SAXO1: variants seen among roughly 807,000 people sequenced by gnomAD.
SAXO1 encodes 4930500O09Rik.
In SAXO1, 21 loss-of-function variants were observed where a neutral mutation model predicts 17.5. The observed-to-expected ratio is 1.20, with a 90% CI of 0.85 to 1.72. The LOEUF is 1.72. Ranked by LOEUF, SAXO1 falls within the 40% of genes most tolerant of loss-of-function variation. The pLI is 0.00. For missense variants in SAXO1, 843 were observed against 596.0 expected, an observed-to-expected ratio of 1.41 and a Z score of -4.32; for synonymous variants, 274 against 216.5, an observed-to-expected ratio of 1.27 and a Z score of -2.33.
intron 1 of SAXO1, among the ~76,000 whole-genome samples, chr9:19,013,807 A>G (rs1447260918): frequency 6.6e-6 from 1 of 152,040 alleles, no homozygotes; most frequent in East Asian, 1.9e-4. Context: ...TCGGCCTCCC[A>G]AAGTGTTAGG....
chr9:18,951,963 T>C (rs1431347166), intron 1 of SAXO1, among the ~76,000 whole-genome samples: 1 of 152,250 alleles, frequency 6.6e-6, no homozygotes. Flanking sequence ...AAATAAACTT[T>C]ATACCTAGTG....
In SAXO1 at chr9:19,006,365, C is replaced by A. The variant is rs141946220; in HGVS notation, c.38+26506G>T. 4.3e-3 allele frequency among the ~76,000 whole-genome samples: 654 copies of A among 152,296 alleles called. 2 individuals carry two copies. Among genetic ancestry groups the A allele is most frequent in the African/African-American group, 0.015 (633 of 41,550 alleles). ...CCAATAGCCAGAAGTAGAAACAACT[C>A]AAATGTCCATCAACAGATAAATGGA... is the stretch of plus-strand genomic sequence containing the variant. On this transcript the variant is annotated intron_variant, in intron 1 of 3. Transcript: ENST00000380534.
chr9:18,940,251 A>C (rs1831497333), intron 3 of SAXO1, among the ~76,000 whole-genome samples: 1 of 152,202 alleles, frequency 6.6e-6, no homozygotes, highest in Non-Finnish European at 1.5e-5. Context: ...GTGCACAAAG[A>C]CTTCAGAGGT....
chr9:18,952,939 C>T (rs756562654), intron 1 of SAXO1, among the ~76,000 whole-genome samples: 9 of 152,172 alleles, frequency 5.9e-5, no homozygotes, highest in Non-Finnish European at 1.3e-4. Flanking sequence ...TCTGCACATT[C>T]AAGAGACAAA....
Position 18,970,357 on chromosome 9 carries a change from A to G in SAXO1, c.39-19420T>C, listed in dbSNP as rs544049280. Reference sequence around the variant, plus strand: ...CCTTTCCTCATCCTGCATAAATAACAATCAATTGCTGTGCTTTCACTGCCC... The same window carrying G: ...CCTTTCCTCATCCTGCATAAATAACGATCAATTGCTGTGCTTTCACTGCCC... On this transcript the variant is annotated intron_variant, in intron 1 of 3. Transcript: ENST00000380534. 2.6e-4 allele frequency among the ~76,000 whole-genome samples: 39 copies of G among 152,298 alleles called. No individual in the cohort carries two copies. In the South Asian group the frequency reaches 7.0e-3, roughly 28 times the overall value.
intron 3 of SAXO1, among the ~76,000 whole-genome samples, chr9:18,941,182 A>G (rs769474187): frequency 2.6e-5 from 4 of 152,196 alleles, no homozygotes; most frequent in Admixed American, 6.5e-5. Context: ...GCTTCCCCCA[A>G]TATAGGATTC....
intron 1 of SAXO1, among the ~76,000 whole-genome samples, chr9:18,967,606 G>C (rs146107962): frequency 6.6e-6 from 1 of 152,144 alleles, no homozygotes; most frequent in Non-Finnish European, 1.5e-5. Flanking sequence ...AACCAAGCTC[G>C]AGTGTCCCAG....
At chr9:18,989,877 C>G (rs1354091914) in intron 1 of SAXO1, among the ~76,000 whole-genome samples, 2 of 152,162 alleles carry the variant, frequency 1.3e-5, no homozygotes, top group African/African-American at 4.8e-5. Context: ...TCAGCCATTG[C>G]TCTTACAGAT....
rs113283430 is a variant in SAXO1 at position 19,027,356 on chromosome 9, T to A, written c.38+5515A>T. 171 of 780,138 alleles carry A rather than the reference T, an allele frequency of 2.2e-4. 1 individual carries two copies. In the African/African-American group the frequency reaches 2.5e-3, roughly 11 times the overall value. 48.3% of individuals were successfully genotyped at this position (780,138 alleles called of 1,614,324 possible). A position where few individuals can be genotyped will look rare whatever the true frequency, so the allele number is the denominator to read the frequency against. ...CACTGCCCAGAGTACGACTCGCGGG[T>A]GAAGGCCACAGAGGTGGATGAGAGA... On this transcript the variant is annotated intron_variant, in intron 1 of 3. Coordinates refer to ENST00000380534, the MANE Select transcript of SAXO1 (RefSeq NM_153707.4).
At chr9:19,015,316 C>T (rs563574574) in intron 1 of SAXO1, among the ~76,000 whole-genome samples, 18 of 152,176 alleles carry the variant, frequency 1.2e-4, no homozygotes, top group African/African-American at 4.1e-4. Context: ...CAAGTGTGCA[C>T]CACCATGTCT....
chr9:18,968,994 G>A (rs1832843804), intron 1 of SAXO1, among the ~76,000 whole-genome samples: 1 of 151,520 alleles, frequency 6.6e-6, no homozygotes, highest in African/African-American at 2.4e-5. Flanking sequence ...GATGAACCCA[G>A]TGTGGCAAAA....
At chr9:18,988,805 C>T (rs1178234006) in intron 1 of SAXO1, among the ~76,000 whole-genome samples, 3 of 152,030 alleles carry the variant, frequency 2.0e-5, no homozygotes, top group Non-Finnish European at 2.9e-5. Flanking sequence ...GAATAAAACC[C>T]CTAATTAAAA....
At chr9:19,028,744 A>C (rs1014140657) in intron 1 of SAXO1, among the ~76,000 whole-genome samples, 11 of 152,306 alleles carry the variant, frequency 7.2e-5, no homozygotes, top group African/African-American at 2.6e-4. Flanking sequence ...TGACGCAGTA[A>C]AATATGTCTG....
chr9:18,962,620 C>T (rs745654754), intron 1 of SAXO1, among the ~76,000 whole-genome samples: 11 of 151,288 alleles, frequency 7.3e-5, no homozygotes, highest in African/African-American at 2.2e-4. Context: ...TGTGCAGAAG[C>T]GTCTGTTCAT....
chr9:19,025,747 A>G (rs745506264), intron 1 of SAXO1, among the ~76,000 whole-genome samples: 1 of 152,266 alleles, frequency 6.6e-6, no homozygotes, highest in Non-Finnish European at 1.5e-5. Context: ...AATCAGATAT[A>G]AAAGTAAGCT....
chr9:19,036,720 G>C (rs1351443058), upstream of SAXO1, among the ~76,000 whole-genome samples: 2 of 152,166 alleles, frequency 1.3e-5, no homozygotes, highest in African/African-American at 4.8e-5. Flanking sequence ...CCAAGCAGAA[G>C]TTTGCTGCAG....
Position 19,000,267 on chromosome 9 carries a change from G to A in SAXO1, c.38+32604C>T, listed in dbSNP as rs183673261. ...GCCCGGCCACCCAACTGACTGGGAC[G>A]TGAGGAGCGCCTCTGCCCAGCCGCC... On this transcript the variant is annotated intron_variant, in intron 1 of 3. Transcript: ENST00000380534. 3.6e-3 allele frequency among the ~76,000 whole-genome samples: 546 copies of A among 151,262 alleles called. 7 individuals are homozygous for A. The South Asian group carries it at 0.044, about 12-fold the overall frequency.
Position 19,033,104 on chromosome 9 carries a change from A to T in SAXO1, c.-196T>A, listed in dbSNP as rs1835840752. 1 of 530,800 alleles carries T rather than the reference A, an allele frequency of 1.9e-6. No individual in the cohort carries two copies. Among genetic ancestry groups the T allele is most frequent in the Non-Finnish European group, 3.2e-6 (1 of 310,496 alleles). The allele number at this position is 530,800 out of a possible 1,614,324, so 32.9% of individuals were successfully genotyped here. A position where few individuals can be genotyped will look rare whatever the true frequency, so the allele number is the denominator to read the frequency against. On this transcript the variant is annotated 5_prime_UTR_variant, in exon 1 of 4. Coordinates refer to ENST00000380534, the MANE Select transcript of SAXO1 (RefSeq NM_153707.4). ...GCCCTCCTGGAGCTGGCCTAGCGCG[A>T]GGTAGCAGCAGGGGGCTTGCACGCG...
chr9:19,029,477 C>A (rs945725851), intron 1 of SAXO1, among the ~76,000 whole-genome samples: 12 of 152,276 alleles, frequency 7.9e-5, no homozygotes, highest in African/African-American at 2.6e-4. Context: ...TTCCCATGAC[C>A]TCAGACTGGA....
Sources: gnomAD v4.1 joint callset for allele counts (sites outside exome capture counted in the v4.1 genomes callset) on GRCh38, gnomAD v4.1.1 for gene constraint, MANE v1.5 for transcripts, NCBI Gene and HGNC (gene_info 2026-07-23, HGNC 2026-07-21) for gene names.